HECW2: variants seen among roughly 807,000 people sequenced by gnomAD.
HECW2 encodes HECT, C2 and WW domain containing E3 ubiquitin protein ligase 2.
HECW2 carries 61 observed loss-of-function variants against 175.2 expected under a neutral mutation model. That is an observed-to-expected ratio of 0.35 (90% confidence interval 0.28 to 0.43). The LOEUF (loss-of-function observed/expected upper bound fraction) is 0.43, where lower values mean the gene tolerates loss of function less well. HECW2 is among the 20% of genes least tolerant of loss of function. HECW2 has a pLI of 1.00. For synonymous variants in HECW2, 671 were observed against 731.0 expected, an observed-to-expected ratio of 0.92 and a Z score of 1.32; for missense variants, 1,524 against 2,000.5, an observed-to-expected ratio of 0.76 and a Z score of 4.54.
At chr2:196,523,543 T>C (rs984126537) in intron 1 of HECW2, among the ~76,000 whole-genome samples, 6 of 149,798 alleles carry the variant, frequency 4.0e-5, no homozygotes, top group African/African-American at 9.8e-5. Context: ...AGGGCATCCC[T>C]GTCTTGTGCC....
chr2:196,208,096 T>C (rs1687136030), intron 28 of HECW2, among the ~76,000 whole-genome samples: 1 of 152,206 alleles, frequency 6.6e-6, no homozygotes, highest in Admixed American at 6.5e-5. Flanking sequence ...ATATGGCACA[T>C]TTCTCACACA....
intron 22 of HECW2, among the ~76,000 whole-genome samples, chr2:196,226,278 G>A (rs1687847778): frequency 6.6e-6 from 1 of 151,938 alleles, no homozygotes; most frequent in African/African-American, 2.4e-5. Context: ...CATATGATGT[G>A]CCTGCTTCCC....
At chr2:196,391,602 T>C (rs924668618) in intron 2 of HECW2, among the ~76,000 whole-genome samples, 3 of 152,186 alleles carry the variant, frequency 2.0e-5, no homozygotes, top group African/African-American at 7.2e-5. Context: ...AGTTCTATAT[T>C]TTTTCTCTCA....
intron 17 of HECW2, among the ~76,000 whole-genome samples, chr2:196,267,979 T>G (rs879862164): frequency 6.6e-6 from 1 of 152,206 alleles, no homozygotes; most frequent in Non-Finnish European, 1.5e-5. Context: ...CTTTGACACA[T>G]AGATTACTGA....
intron 14 of HECW2, among the ~76,000 whole-genome samples, chr2:196,281,913 A>G (rs1690203363): frequency 6.6e-6 from 1 of 151,868 alleles, no homozygotes; most frequent in Non-Finnish European, 1.5e-5. Flanking sequence ...AAATTTTTAA[A>G]CCTCAGTTTC....
At position 196,228,143 on chromosome 2, in the gene HECW2, T is replaced by C; in HGVS notation, c.3876A>G (p.Gln1292=). Reference sequence around the variant, plus strand: ...CTACAAAAGCAGACATAGGACTTATTTGTACTGTGTATGTGTCATTGGCTG... The same window carrying C: ...CTACAAAAGCAGACATAGGACTTATCTGTACTGTGTATGTGTCATTGGCTG... ...EYSANDTYTV[Q]ISPMSAFVDN... is the part of the protein sequence containing the mutation. Residue 1292 remains glutamine, a synonymous_variant, in exon 22 of 29, where the codon CAA becomes CAG. Coordinates refer to ENST00000644978, the MANE Select transcript of HECW2 (RefSeq NM_001348768.2). 6.2e-7 allele frequency: 1 copy of C among 1,611,526 alleles called. No homozygotes were observed. The highest frequency in any genetic ancestry group is 8.5e-7 in the Non-Finnish European group (1 of 1,178,986).
At chr2:196,482,438 G>A (rs2125373832) in intron 1 of HECW2, among the ~76,000 whole-genome samples, 1 of 152,346 alleles carries the variant, frequency 6.6e-6, no homozygotes, top group South Asian at 2.1e-4. Context: ...TCAGGAATGA[G>A]TGGGAGGCTT....
intron 14 of HECW2, among the ~76,000 whole-genome samples, chr2:196,278,948 G>A (rs1338255518): frequency 6.6e-6 from 1 of 152,074 alleles, no homozygotes; most frequent in African/African-American, 2.4e-5. Context: ...CAAGAAGGAA[G>A]CCAGAAGAAT....
intron 2 of HECW2, among the ~76,000 whole-genome samples, chr2:196,405,822 A>G (rs188870155): frequency 6.6e-6 from 1 of 151,578 alleles, no homozygotes; most frequent in Non-Finnish European, 1.5e-5. Context: ...CTCACCTCAC[A>G]TCTCTTTCTC....
chr2:196,308,114 T>A, intron 10 of HECW2, 29 bp from the exon 11 acceptor site: 1 of 1,519,222 alleles, frequency 6.6e-7, no homozygotes, highest in Non-Finnish European at 8.9e-7. Flanking sequence ...CCGAAAGGAA[T>A]TAGGAGGAGG....
At chr2:196,499,243 A>G (rs551342279) in intron 1 of HECW2, among the ~76,000 whole-genome samples, 2 of 152,138 alleles carry the variant, frequency 1.3e-5, no homozygotes, top group Admixed American at 6.5e-5. Context: ...TTCTTACAAT[A>G]GAAACCAGAA....
chr2:196,495,296 G>A (rs778340335), intron 1 of HECW2, among the ~76,000 whole-genome samples: 7 of 152,032 alleles, frequency 4.6e-5, no homozygotes, highest in African/African-American at 9.7e-5. Context: ...TCAATCTCCC[G>A]ATCTCGTGAT....
At chr2:196,426,602 A>G (rs1695554440) in intron 2 of HECW2, among the ~76,000 whole-genome samples, 1 of 152,106 alleles carries the variant, frequency 6.6e-6, no homozygotes, top group South Asian at 2.1e-4. Context: ...AAAGGAAAAT[A>G]TTAACACTAT....
rs79691854 is a variant in HECW2, at chr2:196,584,590, A to C, written c.-36+8918T>G. On this transcript the variant is annotated intron_variant, in intron 1 of 28. Transcript: ENST00000644978. The stretch of plus-strand genomic sequence containing the variant: ...GATGTGTAAAACTCCCTATAAATTA[A>C]AAAAAAAAAAACCTAAATCACTGCA... Among the ~76,000 whole-genome samples, 3 of 2,980 alleles carry C rather than the reference A, an allele frequency of 1.0e-3. No homozygotes were observed. The East Asian group carries it at 0.19, about 186-fold the overall frequency. The allele number at this position is 2,980 out of a possible 152,430, so 2.0% of individuals were successfully genotyped here.
intron 10 of HECW2, chr2:196,316,407 G>C (rs1225710704): frequency 6.6e-6 from 1 of 152,142 alleles, no homozygotes; most frequent in East Asian, 1.9e-4. Context: ...CAAAGCATCA[G>C]CCTGTTGTCA....
chr2:196,422,662 A>G (rs779869370), intron 2 of HECW2, among the ~76,000 whole-genome samples: 47 of 152,116 alleles, frequency 3.1e-4, no homozygotes, highest in Non-Finnish European at 7.4e-5. Context: ...TTGCAGCATA[A>G]TCTGACTAGG....
At chr2:196,352,866 G>C (rs964701387) in intron 2 of HECW2, among the ~76,000 whole-genome samples, 2 of 152,238 alleles carry the variant, frequency 1.3e-5, no homozygotes, top group Admixed American at 1.3e-4. Flanking sequence ...AAGAGTTACA[G>C]TCATGGCCCA....
At chr2:196,393,829 T>C (rs528709469) in intron 2 of HECW2, among the ~76,000 whole-genome samples, 1 of 152,358 alleles carries the variant, frequency 6.6e-6, no homozygotes, top group South Asian at 2.1e-4. Flanking sequence ...TGATAAATCA[T>C]GCTGCTATAA....
At chr2:196,271,333 A>T in intron 16 of HECW2, 44 bp from the exon 17 acceptor site, 3 of 1,402,850 alleles carry the variant, frequency 2.1e-6, no homozygotes, top group Non-Finnish European at 2.0e-6. Flanking sequence ...AAAAGAATCT[A>T]TTTTTAGTTT....
Sources: gnomAD v4.1 joint callset for allele counts (sites outside exome capture counted in the v4.1 genomes callset) on GRCh38, gnomAD v4.1.1 for gene constraint, MANE v1.5 for transcripts, NCBI Gene and HGNC (gene_info 2026-07-23, HGNC 2026-07-21) for gene names.